RIT2: variants seen among roughly 807,000 people sequenced by gnomAD.
The protein encoded by RIT2 is Ras like without CAAX 2, also known as GTP-binding protein Rit2.
RIT2 carries 24 observed loss-of-function variants against 23.7 expected under a neutral mutation model. The ratio of observed to expected loss-of-function variants is 1.01; its 90% confidence interval spans 0.73 to 1.43. RIT2 has a LOEUF of 1.43. Among genes scored for constraint, RIT2 ranks in the 40% most tolerant of loss-of-function variants. RIT2 has a pLI of 0.00. For missense variants in RIT2, 236 were observed against 266.9 expected (o/e 0.88, Z 0.81); for synonymous variants, 107 against 91.1 (o/e 1.17, Z -0.99).
intron 1 of RIT2, among the ~76,000 whole-genome samples, chr18:43,068,185 C>T (rs1453417055): frequency 1.3e-5 from 2 of 152,078 alleles, no homozygotes; most frequent in African/African-American, 4.8e-5. Context: ...GGATTCTCTC[C>T]AAAGTTCTTT....
intron 1 of RIT2, among the ~76,000 whole-genome samples, chr18:43,087,287 A>T (rs1307412393): frequency 6.6e-6 from 1 of 151,968 alleles, no homozygotes; most frequent in African/African-American, 2.4e-5. Flanking sequence ...GGTATTCATG[A>T]CTCATTGAGT....
chr18:42,921,113 C>T (rs763691799), intron 4 of RIT2, among the ~76,000 whole-genome samples: 2 of 152,222 alleles, frequency 1.3e-5, no homozygotes, highest in Middle Eastern at 3.4e-3. Context: ...TCTTCAAATG[C>T]TTGGCTTACA....
chr18:43,103,378 C>T (rs1057449265), intron 1 of RIT2, among the ~76,000 whole-genome samples: 1 of 152,160 alleles, frequency 6.6e-6, no homozygotes, highest in African/African-American at 2.4e-5. Context: ...CTATTTCCTA[C>T]TCCTCATGAA....
chr18:42,894,804 A>G (rs1908279275), intron 4 of RIT2, among the ~76,000 whole-genome samples: 1 of 152,218 alleles, frequency 6.6e-6, no homozygotes, highest in Admixed American at 6.5e-5. Flanking sequence ...ATATAGATAT[A>G]CTTTTGAATA....
chr18:43,030,536 T>A (rs1365803342), intron 2 of RIT2, among the ~76,000 whole-genome samples: 1 of 152,080 alleles, frequency 6.6e-6, no homozygotes, highest in Non-Finnish European at 1.5e-5. Flanking sequence ...AATACAACAC[T>A]AGGAACCATC....
At chr18:42,950,044 A>G (rs1362300806) in intron 3 of RIT2, among the ~76,000 whole-genome samples, 3 of 152,120 alleles carry the variant, frequency 2.0e-5, no homozygotes, top group Admixed American at 2.0e-4. Flanking sequence ...TGAGGCTTGT[A>G]CCCAAAACTA....
At chr18:42,854,843 C>G (rs2144041182) in intron 4 of RIT2, among the ~76,000 whole-genome samples, 1 of 152,222 alleles carries the variant, frequency 6.6e-6, no homozygotes, top group South Asian at 2.1e-4. Flanking sequence ...TGAGTAATCC[C>G]AACTATTTGC....
At chr18:42,835,066 G>C (rs1906559204) in intron 4 of RIT2, among the ~76,000 whole-genome samples, 1 of 152,108 alleles carries the variant, frequency 6.6e-6, no homozygotes. Context: ...TATAATCTGT[G>C]AAGCTTCCAG....
At chr18:42,745,993 T>G (rs1912908219) in intron 4 of RIT2, among the ~76,000 whole-genome samples, 1 of 152,156 alleles carries the variant, frequency 6.6e-6, no homozygotes, top group Admixed American at 6.6e-5. Flanking sequence ...TTTGTTTTGT[T>G]GCTAGACTGC....
chr18:42,975,157 C>A, intron 2 of RIT2, among the ~76,000 whole-genome samples: 1 of 152,026 alleles, frequency 6.6e-6, no homozygotes, highest in Non-Finnish European at 1.5e-5. Context: ...GCCACTCTGA[C>A]TGGTGTGAGA....
chr18:43,019,392 C>A (rs1262487947), intron 2 of RIT2, among the ~76,000 whole-genome samples: 1 of 151,626 alleles, frequency 6.6e-6, no homozygotes, highest in Non-Finnish European at 1.5e-5. Context: ...ATATGCAAAT[C>A]AATAAACATG....
chr18:43,007,347 A>C (rs1173803781), intron 2 of RIT2, among the ~76,000 whole-genome samples: 1 of 151,712 alleles, frequency 6.6e-6, no homozygotes, highest in Non-Finnish European at 1.5e-5. Flanking sequence ...CATATGCAAA[A>C]TTTCATTTTT....
chr18:42,886,492 C>A (rs4890417), intron 4 of RIT2, among the ~76,000 whole-genome samples: 16,002 of 152,170 alleles, frequency 0.11, 965 homozygotes, highest in Middle Eastern at 0.25. Flanking sequence ...GATTCCAGTG[C>A]TAGGTTTCTT....
At position 42,931,179 on chromosome 18, in the gene RIT2, G is replaced by C. The variant is rs116491296; in HGVS notation, c.235-7416C>G. ...CCAAAAGATAATTATATTATCACTT[G>C]GTTAATTACTTACTTTAAGCTAAAT... is the stretch of plus-strand genomic sequence containing the variant. On this transcript the variant is annotated intron_variant, in intron 3 of 4. Transcript: ENST00000326695. 8.5e-3 allele frequency among the ~76,000 whole-genome samples: 1,289 copies of C among 152,138 alleles called. 20 individuals carry two copies. Among genetic ancestry groups the C allele is most frequent in the African/African-American group, 0.03 (1,245 of 41,530 alleles).
Position 42,950,626 on chromosome 18 carries a change from A to G in RIT2, c.234+23448T>C, listed in dbSNP as rs958669872. On this transcript the variant is annotated intron_variant, in intron 3 of 4. Transcript: ENST00000326695. ...CAGACAACTTACAGAATAGGAAAAA[A>G]TATTCACAAACCACGCATCTGACAA... is the stretch of plus-strand genomic sequence containing the variant. Among the ~76,000 whole-genome samples, 6 of 152,232 alleles carry G rather than the reference A, an allele frequency of 3.9e-5. No individual in the cohort carries two copies. The East Asian group carries it at 7.7e-4, about 20-fold the overall frequency.
chr18:42,861,184 T>C (rs558889912), intron 4 of RIT2, among the ~76,000 whole-genome samples: 1 of 152,354 alleles, frequency 6.6e-6, no homozygotes, highest in East Asian at 1.9e-4. Context: ...TAGGTTTACA[T>C]TGAACTGTTT....
chr18:42,826,179 A>C (rs1371737569), intron 4 of RIT2, among the ~76,000 whole-genome samples: 1 of 152,072 alleles, frequency 6.6e-6, no homozygotes, highest in African/African-American at 2.4e-5. Flanking sequence ...GCACACACAA[A>C]AAATCCTAAT....
chr18:43,017,854 C>A (rs1423799241), intron 2 of RIT2, among the ~76,000 whole-genome samples: 1 of 151,994 alleles, frequency 6.6e-6, no homozygotes, highest in Non-Finnish European at 1.5e-5. Flanking sequence ...AAACATCCAT[C>A]TGTGAGCTGG....
intron 1 of RIT2, among the ~76,000 whole-genome samples, chr18:43,115,118 C>T (rs766410855): frequency 2.6e-5 from 4 of 152,126 alleles, no homozygotes; most frequent in Non-Finnish European, 5.9e-5. Flanking sequence ...CAATTTCATA[C>T]TTATTTTTAT....
Sources: gnomAD v4.1 joint callset for allele counts (sites outside exome capture counted in the v4.1 genomes callset) on GRCh38, gnomAD v4.1.1 for gene constraint, MANE v1.5 for transcripts, NCBI Gene and HGNC (gene_info 2026-07-23, HGNC 2026-07-21) for gene names.